ZNF362: variants seen among roughly 807,000 people sequenced by gnomAD.
The protein encoded by ZNF362 is zinc finger protein 362.
A neutral mutation model predicts 42.9 loss-of-function variants in ZNF362; 11 were observed. The ratio of observed to expected loss-of-function variants is 0.26; its 90% CI spans 0.16 to 0.42. The LOEUF (loss-of-function observed/expected upper bound fraction) is 0.42, where lower values mean the gene tolerates loss of function less well. ZNF362 is among the 20% of genes least tolerant of loss of function. The probability of loss-of-function intolerance (pLI) is 1.00; values close to 1 mark genes in which losing one functional copy is unlikely to be tolerated. For synonymous variants in ZNF362, 255 were observed against 257.3 expected (o/e 0.99, Z 0.09); for missense variants, 362 against 576.2 (o/e 0.63, Z 3.81).
At chr1:33,181,077 A>G in the ZNF362 span, 194 of 1,599,024 alleles carry the variant, frequency 1.2e-4, no homozygotes, top group Non-Finnish European at 1.6e-4. This position sits in a 1 kb window ranked among gnomAD's most constrained non-coding sequence, Gnocchi z 6.5. Flanking sequence ...CTGCTCGTGC[A>G]GTGCAGGCTC....
At chr1:33,258,403 C>T (rs12743315) in intron 1 of ZNF362, among the ~76,000 whole-genome samples, 27 of 152,164 alleles carry the variant, frequency 1.8e-4, no homozygotes, top group Non-Finnish European at 3.4e-4. Context: ...GTCCTGGCTC[C>T]ACTAGACAGA....
chr1:33,284,575 T>A (rs1384596539), intron 6 of ZNF362, among the ~76,000 whole-genome samples: 1 of 152,234 alleles, frequency 6.6e-6, no homozygotes, highest in Non-Finnish European at 1.5e-5. Flanking sequence ...CTTGATGATT[T>A]ATTATTTCAT....
the ZNF362 span, among the ~76,000 whole-genome samples, chr1:33,243,140 T>TATGTTATGTC: frequency 2.6e-5 from 4 of 151,526 alleles, no homozygotes; most frequent in African/African-American, 9.8e-5. Context: ...TATGTTATGT[T>TATGTTATGTC]ATGTTATGTT....
the ZNF362 span, chr1:33,165,856 C>T: frequency 3.8e-6 from 1 of 262,624 alleles, no homozygotes; most frequent in Non-Finnish European, 7.2e-6. The surrounding 1 kb of genome is among the most constrained non-coding windows in gnomAD (Gnocchi z 4.0). Flanking sequence ...TGGCTCCCCA[C>T]ACTTGGCCCT....
the ZNF362 span, among the ~76,000 whole-genome samples, chr1:33,136,156 TTCCTTCCTTCCTTCCTTCCC>T: frequency 1.4e-5 from 2 of 147,370 alleles, no homozygotes; most frequent in African/African-American, 2.5e-5. Flanking sequence ...CCTTCCTTCC[TTCCTTCCTTCCTTCCTTCCC>T]TCCCTCTCTC....
At chr1:33,172,224 A>G in the ZNF362 span, among the ~76,000 whole-genome samples, 1 of 152,226 alleles carries the variant, frequency 6.6e-6, no homozygotes, top group African/African-American at 2.4e-5. Flanking sequence ...AACTATATGT[A>G]AAGTTGGGAC....
the ZNF362 span, among the ~76,000 whole-genome samples, chr1:33,144,292 C>A: frequency 6.6e-6 from 1 of 152,188 alleles, no homozygotes; most frequent in Non-Finnish European, 1.5e-5. Context: ...CATGTGCCAC[C>A]ACACCCGGCT....
chr1:33,275,250 A>G, intron 2 of ZNF362: 1 of 985,440 alleles, frequency 1.0e-6, no homozygotes, highest in South Asian at 4.7e-5. Context: ...AGACTGAGAT[A>G]GCCCTGAAGG....
the ZNF362 span, among the ~76,000 whole-genome samples, chr1:33,149,055 C>A: frequency 6.6e-6 from 1 of 152,216 alleles, no homozygotes; most frequent in East Asian, 1.9e-4. Context: ...CAACCACCCC[C>A]AGAGGCTCAA....
chr1:33,286,603 A>G lies in ZNF362; in HGVS notation c.908+4792A>G, dbSNP rs1646034767. On this transcript the variant is annotated intron_variant, in intron 6 of 8. Coordinates refer to ENST00000539719, the MANE Select transcript of ZNF362 (RefSeq NM_152493.3). ...ATCAACATTTGGAAGACAGTTTATA[A>G]GTCACTAGACGCTTGCACATATAAT... Among the ~76,000 whole-genome samples, 5 of 152,198 alleles carry G rather than the reference A, an allele frequency of 3.3e-5. 1 individual carries two copies. Among genetic ancestry groups the G allele is most frequent in the Admixed American group, 3.3e-4 (5 of 15,282 alleles).
At chr1:33,140,637 G>A in the ZNF362 span, among the ~76,000 whole-genome samples, 5 of 152,238 alleles carry the variant, frequency 3.3e-5, no homozygotes, top group Admixed American at 3.3e-4. This position sits in a 1 kb window ranked among gnomAD's most constrained non-coding sequence, Gnocchi z 4.0. Flanking sequence ...CAGTCCCAAT[G>A]CTTTCACTTA....
intron 2 of ZNF362, among the ~76,000 whole-genome samples, chr1:33,271,273 A>T (rs1267726093): frequency 1.3e-5 from 2 of 152,012 alleles, no homozygotes; most frequent in South Asian, 4.1e-4. Context: ...GGCTCCCCTC[A>T]CACTGTTGGG....
chr1:33,143,234 G>A, the ZNF362 span: 1 of 152,132 alleles, frequency 6.6e-6, no homozygotes, highest in Non-Finnish European at 1.5e-5. Context: ...ATGCAAATTT[G>A]GCCTCTATAG....
chr1:33,275,139 T>C (rs1645933999), intron 2 of ZNF362: 1 of 985,440 alleles, frequency 1.0e-6, no homozygotes, highest in Non-Finnish European at 1.2e-6. Flanking sequence ...TACGAGAAAC[T>C]TGACAGGGAG....
At chr1:33,178,681 C>T in the ZNF362 span, among the ~76,000 whole-genome samples, 3 of 152,376 alleles carry the variant, frequency 2.0e-5, no homozygotes, top group Non-Finnish European at 2.9e-5. Context: ...TCAGCGTTTA[C>T]ATGAAGTGAC....
chr1:33,145,918 TC>T, the ZNF362 span: 38 of 470,990 alleles, frequency 8.1e-5, no homozygotes, highest in South Asian at 5.4e-4. Flanking sequence ...TGACTTAAGT[TC>T]CCCCAAACAG....
At chr1:33,135,112 C>T in the ZNF362 span, among the ~76,000 whole-genome samples, 3 of 152,110 alleles carry the variant, frequency 2.0e-5, no homozygotes, top group African/African-American at 4.8e-5. Flanking sequence ...ATGGTGAAAC[C>T]CCGTCTCTAC....
In ZNF362 at chr1:33,280,383, G is replaced by T. The variant is rs1430974313; in HGVS notation, c.609G>T (p.Gly203=). The change falls in exon 5 of 9, where the codon GGG becomes GGT. Residue 203 remains glycine, a synonymous_variant. Coordinates refer to ENST00000539719, the MANE Select transcript of ZNF362 (RefSeq NM_152493.3). The surrounding 1 kb of genome is among the most constrained non-coding windows in gnomAD (Gnocchi z 5.6). ...AAAAGATCAAGGCGGAGAACCCGGG[G>T]GGTCCGCCTGTCCTTGTAGTCCCCT... is the stretch of plus-strand genomic sequence containing the variant. ...GRKKIKAENP[G]GPPVLVVPYP... is the part of the protein sequence containing the mutation. 2 of 1,613,726 alleles carry T rather than the reference G, an allele frequency of 1.2e-6. No homozygotes were observed. Among genetic ancestry groups the T allele is most frequent in the Non-Finnish European group, 1.7e-6 (2 of 1,179,838 alleles).
At chr1:33,240,131 GT>G in the ZNF362 span, among the ~76,000 whole-genome samples, 3 of 152,158 alleles carry the variant, frequency 2.0e-5, no homozygotes, top group Non-Finnish European at 4.4e-5. Context: ...ATCTCCTCAT[GT>G]TACTTATTAG....
Sources: allele counts gnomAD v4.1 joint callset (sites outside exome capture counted in the v4.1 genomes callset), GRCh38; gene constraint gnomAD v4.1.1; non-coding constraint Gnocchi (gnomAD v3.1); transcripts MANE v1.5; gene names NCBI Gene and HGNC (gene_info 2026-07-23, HGNC 2026-07-21).